SEMA4F: variants seen among roughly 807,000 people sequenced by gnomAD.
SEMA4F encodes the protein ssemaphorin 4F, also known as semaphorin-4F.
SEMA4F carries 51 observed loss-of-function variants against 78.4 expected under a neutral mutation model. The observed-to-expected ratio is 0.65, with a 90% CI of 0.52 to 0.82. The LOEUF is 0.82. Ranked by LOEUF, SEMA4F falls within the 40% of genes least tolerant of loss-of-function variation. The pLI is 0.00. For synonymous variants in SEMA4F, 418 were observed against 408.7 expected, an observed-to-expected ratio of 1.02 and a Z score of -0.27; for missense variants, 938 against 1,014.4, an observed-to-expected ratio of 0.92 and a Z score of 1.02.
At chr2:74,708,983 T>C in the SEMA4F span, among the ~76,000 whole-genome samples, 22 of 152,046 alleles carry the variant, frequency 1.4e-4, no homozygotes, top group Admixed American at 1.4e-3. Flanking sequence ...CTGGGAAACA[T>C]GACAAATTCC....
chr2:74,695,885 A>G, the SEMA4F span, among the ~76,000 whole-genome samples: 3 of 152,174 alleles, frequency 2.0e-5, no homozygotes, highest in Non-Finnish European at 4.4e-5. Flanking sequence ...GGGAGTGGTA[A>G]TACAACACAG....
chr2:74,663,952 A>C (rs1684555379), intron 5 of SEMA4F, among the ~76,000 whole-genome samples: 1 of 152,238 alleles, frequency 6.6e-6, no homozygotes, highest in African/African-American at 2.4e-5. Context: ...ATGACTATTA[A>C]ATAAATTCCT....
At chr2:74,706,863 C>T in the SEMA4F span, among the ~76,000 whole-genome samples, 199 of 152,220 alleles carry the variant, frequency 1.3e-3, no homozygotes, top group Non-Finnish European at 2.0e-3. Context: ...ACTTCACACT[C>T]ATCAAAGAGC....
At position 74,679,909 on chromosome 2, in the gene SEMA4F, C is replaced by T. The variant is rs372248795; in HGVS notation, c.2013C>T (p.Leu671=). 28 of 1,614,064 alleles carry T rather than the reference C, an allele frequency of 1.7e-5. No homozygotes were observed. Among genetic ancestry groups the T allele is most frequent in the African/African-American group, 1.5e-4 (11 of 74,948 alleles). The change falls in exon 14 of 14, where the codon CTC becomes CTT. Residue 671 remains leucine, a synonymous_variant. Transcript: ENST00000357877. ...AGLAGFFLGI[L]AASLTLILIG... is the part of the protein sequence containing the mutation. ...TGGCTGGCTTCTTCTTGGGGATTCT[C>T]GCAGCATCCCTGACTCTCATTCTGA... is the stretch of plus-strand genomic sequence containing the variant.
At chr2:74,684,736 G>A (rs553910600), downstream of SEMA4F, among the ~76,000 whole-genome samples, 104 of 152,296 alleles carry the variant, frequency 6.8e-4, 1 homozygote, top group African/African-American at 2.4e-3. Flanking sequence ...GGCCAAGGCA[G>A]GCAGATCACT....
At chr2:74,655,625 C>T (rs189783022) in intron 1 of SEMA4F, among the ~76,000 whole-genome samples, 70 of 152,278 alleles carry the variant, frequency 4.6e-4, no homozygotes, top group African/African-American at 1.6e-3. Flanking sequence ...AAGCAATAGC[C>T]ACAAAGTAAG....
chr2:74,689,500 T>C, the SEMA4F span, among the ~76,000 whole-genome samples: 2 of 152,194 alleles, frequency 1.3e-5, no homozygotes, highest in African/African-American at 4.8e-5. Context: ...AATTACACTT[T>C]TAGAAATTTA....
In SEMA4F at chr2:74,680,353, T is replaced by G; in HGVS notation, c.*144T>G. The G allele has an allele frequency of 1.0e-6, 1 of 959,928 alleles. No individual in the cohort carries two copies. Among genetic ancestry groups the G allele is most frequent in the Non-Finnish European group, 1.5e-6 (1 of 666,848 alleles). The allele number at this position is 959,928 out of a possible 1,614,324, so 59.5% of individuals were successfully genotyped here. A position where few individuals can be genotyped will look rare whatever the true frequency, so the allele number is the denominator to read the frequency against. On this transcript the variant is annotated 3_prime_UTR_variant, in exon 14 of 14. Transcript: ENST00000357877. The stretch of plus-strand genomic sequence containing the variant: ...TGATTACTTGGATTTTAGTATCTGT[T>G]CTCTCTGAGCCTGGATGGGCTTGGG...
intron 1 of SEMA4F, chr2:74,655,377 ACT>A: frequency 6.4e-6 from 2 of 311,376 alleles, no homozygotes; most frequent in South Asian, 5.8e-5. Flanking sequence ...CACATTTTAG[ACT>A]CTGCTGAGGT....
At chr2:74,685,559 T>C (rs1685805552), downstream of SEMA4F, among the ~76,000 whole-genome samples, 1 of 152,066 alleles carries the variant, frequency 6.6e-6, no homozygotes, top group Admixed American at 6.6e-5. Flanking sequence ...TCTGATTGGC[T>C]CAGCTTAGAT....
chr2:74,670,186 C>T (rs913885765), intron 5 of SEMA4F, among the ~76,000 whole-genome samples: 1 of 152,160 alleles, frequency 6.6e-6, no homozygotes, highest in Admixed American at 6.5e-5. Context: ...ATCACAATCA[C>T]AATATTTGGA....
At chr2:74,678,929 T>C (rs1028876151) in intron 12 of SEMA4F, among the ~76,000 whole-genome samples, 4 of 152,338 alleles carry the variant, frequency 2.6e-5, no homozygotes, top group Admixed American at 2.6e-4. Context: ...ATCCTTTTTT[T>C]TCCTAGAGAA....
Position 74,680,002 on chromosome 2 carries a change from G to T in SEMA4F, c.2106G>T (p.Leu702=), listed in dbSNP as rs1467057013. 1 of 1,614,138 alleles carries T rather than the reference G, an allele frequency of 6.2e-7. No individual in the cohort carries two copies. The highest frequency in any genetic ancestry group is 1.1e-5 in the South Asian group (1 of 91,088). ...CTAGAGACAAGGTGGGCCTGGACCTGGGGGCTCCACCTTCTGGGACCACAA... is the reference window on the plus strand; with the variant it reads ...CTAGAGACAAGGTGGGCCTGGACCTTGGGGCTCCACCTTCTGGGACCACAA... The part of the protein sequence containing the change: ...LLARDKVGLD[L]GAPPSGTTSY... Residue 702 remains leucine, a synonymous_variant, in exon 14 of 14, where the codon CTG becomes CTT. Transcript: ENST00000357877.
the SEMA4F span, among the ~76,000 whole-genome samples, chr2:74,689,375 G>T: frequency 2.0e-5 from 3 of 152,208 alleles, no homozygotes; most frequent in African/African-American, 7.2e-5. Context: ...ACAAGGATTT[G>T]TGGAGAGTGG....
Position 74,658,024 on chromosome 2 carries a change from G to A in SEMA4F, c.456+73G>A. The A allele has an allele frequency of 7.3e-7, 1 of 1,374,196 alleles. No homozygotes were observed. The highest frequency in any genetic ancestry group is 1.0e-6 in the Non-Finnish European group (1 of 965,172). 85.1% of individuals were successfully genotyped at this position (1,374,196 alleles called of 1,614,324 possible). On this transcript the variant is annotated intron_variant, in intron 4 of 13. Transcript: ENST00000357877. The surrounding 1 kb of genome is among the most constrained non-coding windows in gnomAD (Gnocchi z 4.3). ...GAGTTACTTGGGGTGGTGGTGGGAG[G>A]ATGGGAAGGGTTTTCTGTGAGCGAC...
chr2:74,687,795 C>T (rs1685851554), downstream of SEMA4F, among the ~76,000 whole-genome samples: 1 of 152,186 alleles, frequency 6.6e-6, no homozygotes, highest in African/African-American at 2.4e-5. Context: ...CTCTCCCTGT[C>T]TGTGTTCCGA....
intron 5 of SEMA4F, among the ~76,000 whole-genome samples, chr2:74,668,535 C>G (rs1415647537): frequency 2.0e-5 from 3 of 151,302 alleles, no homozygotes; most frequent in African/African-American, 7.3e-5. Context: ...TAGGAGCTAT[C>G]TATCCTGAAA....
At chr2:74,659,196 A>G (rs1684310457) in intron 4 of SEMA4F, among the ~76,000 whole-genome samples, 1 of 152,162 alleles carries the variant, frequency 6.6e-6, no homozygotes, top group Non-Finnish European at 1.5e-5. Flanking sequence ...ATTTCCCTAC[A>G]GTTCTCCTTA....
the SEMA4F span, among the ~76,000 whole-genome samples, chr2:74,693,254 C>A: frequency 6.6e-6 from 1 of 152,236 alleles, no homozygotes; most frequent in South Asian, 2.1e-4. Context: ...TTTTAACTAA[C>A]CTTCCATTGA....
Sources: gnomAD v4.1 joint callset for allele counts (sites outside exome capture counted in the v4.1 genomes callset) on GRCh38, gnomAD v4.1.1 for gene constraint, Gnocchi (gnomAD v3.1) non-coding constraint, MANE v1.5 for transcripts, NCBI Gene and HGNC (gene_info 2026-07-23, HGNC 2026-07-21) for gene names.